The following GPNMB variants were observed in gnomAD, a reference collection of about 807,000 sequenced individuals.
The protein encoded by GPNMB is transmembrane glycoprotein NMB.
A neutral mutation model predicts 57.3 loss-of-function variants in GPNMB; 71 were observed. The observed-to-expected ratio is 1.24, with a 90% CI of 1.02 to 1.51. The LOEUF is 1.51. Ranked by LOEUF, GPNMB falls within the 40% of genes most tolerant of loss-of-function variation. The pLI, the probability that GPNMB is intolerant of heterozygous loss-of-function variation, is 0.00. For synonymous variants in GPNMB, 253 were observed against 263.2 expected (o/e 0.96, Z 0.38); for missense variants, 677 against 691.9 (o/e 0.98, Z 0.24).
chr7:23,267,739 C>T, intron 7 of GPNMB, 147 bp from the exon 8 acceptor site: 1 of 653,718 alleles, frequency 1.5e-6, no homozygotes, highest in Non-Finnish European at 2.7e-6. Context: ...CTCCCAAAGA[C>T]CCCCCTCCTA....
chr7:23,260,282 T>C (rs957547002), intron 5 of GPNMB, 144 bp downstream of exon 5: 1 of 1,034,268 alleles, frequency 9.7e-7, no homozygotes, highest in African/African-American at 1.6e-5. Context: ...TAGTTGTAGT[T>C]CATCTGTTTT....
Position 23,246,930 on chromosome 7 carries a change from G to A in GPNMB, c.70+3G>A, listed in dbSNP as rs374730555. ...ATTGCCACTTGATGCCGCCAAACGT[G>A]AGTAACCCTTAATTTCTATGTTTAA... On this transcript the variant is annotated splice_donor_region_variant and intron_variant, in intron 1 of 10. Transcript: ENST00000258733. The A allele has an allele frequency of 6.2e-7, 1 of 1,607,146 alleles. No individual in the cohort carries two copies. Among genetic ancestry groups the A allele is most frequent in the South Asian group, 1.1e-5 (1 of 90,938 alleles).
intron 8 of GPNMB, 78 bp from the exon 9 acceptor site, chr7:23,269,889 C>G (rs1783156341): frequency 1.1e-6 from 1 of 893,514 alleles, no homozygotes; most frequent in Admixed American, 2.0e-5. Flanking sequence ...AATGACTTTC[C>G]CTTTGTAAAA....
rs369357314 is a variant in GPNMB, at chr7:23,266,607, C to T, written c.1109C>T (p.Thr370Ile). 1 of 1,613,614 alleles carries T rather than the reference C, an allele frequency of 6.2e-7. No individual in the cohort carries two copies. The highest frequency in any genetic ancestry group is 1.3e-5 in the African/African-American group (1 of 74,898). ...TATGGCCACTTTCAAGCCACCATCA[C>T]AATTGTAGGTAAGGCTGAAGATGAT... ...NRYGHFQATI[T>I]IVEGILEVNI... is the part of the protein sequence containing the mutation. Residue 370 changes from threonine to isoleucine, a missense_variant, in exon 7 of 11, where the codon ACA (threonine) becomes ATA (isoleucine). Coordinates refer to ENST00000258733, the MANE Select transcript of GPNMB (RefSeq NM_002510.3).
intron 8 of GPNMB, 120 bp from the exon 9 acceptor site, chr7:23,269,847 C>G: frequency 1.4e-6 from 1 of 724,598 alleles, no homozygotes. Flanking sequence ...GTTTGAGTAA[C>G]AATGAGGTGG....
intron 3 of GPNMB, 145 bp downstream of exon 3, chr7:23,254,457 G>A: frequency 1.6e-6 from 1 of 629,196 alleles, no homozygotes; most frequent in East Asian, 3.0e-5. Context: ...TGAGTGTGTG[G>A]TCCTACCCAG....
At chr7:23,266,878 C>T (rs577932158) in intron 7 of GPNMB, among the ~76,000 whole-genome samples, 23 of 152,312 alleles carry the variant, frequency 1.5e-4, no homozygotes, top group African/African-American at 4.8e-4. Context: ...GCCTGTATCC[C>T]GCCTCTGCAG....
intron 2 of GPNMB, 73 bp downstream of exon 2, chr7:23,253,532 T>C (rs891601610): frequency 1.6e-5 from 20 of 1,274,230 alleles, no homozygotes; most frequent in Non-Finnish European, 2.1e-5. Context: ...TAAAGCCTTT[T>C]AGATCACACG....
intron 5 of GPNMB, 69 bp from the exon 6 acceptor site, chr7:23,260,387 C>T (rs937352495): frequency 7.1e-6 from 9 of 1,262,092 alleles, no homozygotes; most frequent in Non-Finnish European, 5.6e-6. Context: ...CTAAAAGCAT[C>T]GTCGAAGCCC....
In GPNMB at chr7:23,264,096, G is replaced by GAAAA. The variant is rs35143635; in HGVS notation, c.1019-2408_1019-2405dup. On this transcript the variant is annotated intron_variant, in intron 6 of 10. Coordinates refer to ENST00000258733, the MANE Select transcript of GPNMB (RefSeq NM_002510.3). ...GTTTTTCAGACTTGTGAACAAATCT[G>GAAAA]AAAAAAAAAAAAAAAACCTTTTGTA... 4.4e-3 allele frequency among the ~76,000 whole-genome samples: 480 copies of GAAAA among 109,650 alleles called. 5 individuals are homozygous for GAAAA. Among genetic ancestry groups the GAAAA allele is most frequent in the African/African-American group, 0.014 (458 of 32,264 alleles). 71.9% of individuals were successfully genotyped at this position (109,650 alleles called of 152,430 possible).
chr7:23,256,448 T>C (rs983639655), intron 3 of GPNMB, among the ~76,000 whole-genome samples: 4 of 152,112 alleles, frequency 2.6e-5, no homozygotes. Flanking sequence ...GATAATGGTG[T>C]CAGGGCTATT....
chr7:23,270,808 A>T (rs1783184881), intron 9 of GPNMB, among the ~76,000 whole-genome samples: 1 of 152,200 alleles, frequency 6.6e-6, no homozygotes, highest in South Asian at 2.1e-4. Context: ...AAGGAATTTC[A>T]TTTAGAAATT....
At chr7:23,258,068 A>T (rs1782824085) in intron 4 of GPNMB, 1 of 152,150 alleles carries the variant, frequency 6.6e-6, no homozygotes, top group Non-Finnish European at 1.5e-5. Flanking sequence ...GTCTTTTTTT[A>T]AATTACAAAT....
chr7:23,251,672 A>T (rs1782665332), intron 1 of GPNMB, among the ~76,000 whole-genome samples: 2 of 152,272 alleles, frequency 1.3e-5, no homozygotes, highest in Non-Finnish European at 1.5e-5. Context: ...TTACACTACC[A>T]TCTCCAAAAT....
At position 23,266,722 on chromosome 7, in the gene GPNMB, C is replaced by A. The variant is rs866445878; in HGVS notation, c.1117+107C>A. The A allele has an allele frequency of 3.3e-6, 3 of 908,404 alleles. No homozygotes were observed. The South Asian group carries it at 5.2e-5, about 16-fold the overall frequency. 56.3% of individuals were successfully genotyped at this position (908,404 alleles called of 1,614,324 possible). A position where few individuals can be genotyped will look rare whatever the true frequency, so the allele number is the denominator to read the frequency against. Reference sequence around the variant, plus strand: ...GGTAGAGGTAGGTGGTAAGGGCACCCCTCTGCTTGTCTAAGATGACACCAC... The same window carrying A: ...GGTAGAGGTAGGTGGTAAGGGCACCACTCTGCTTGTCTAAGATGACACCAC... On this transcript the variant is annotated intron_variant, in intron 7 of 10. Transcript: ENST00000258733.
chr7:23,263,567 G>T (rs1460945242), intron 6 of GPNMB, among the ~76,000 whole-genome samples: 1 of 149,338 alleles, frequency 6.7e-6, no homozygotes, highest in South Asian at 2.1e-4. Flanking sequence ...AGCCGAGATC[G>T]CGCCATTGCA....
In GPNMB at chr7:23,260,146, G is replaced by A. The variant is rs1480217433; in HGVS notation, c.700+8G>A. 3 of 1,613,436 alleles carry A rather than the reference G, an allele frequency of 1.9e-6. No individual in the cohort carries two copies. The highest frequency in any genetic ancestry group is 2.5e-6 in the Non-Finnish European group (3 of 1,179,442). On this transcript the variant is annotated splice_region_variant and intron_variant, in intron 5 of 10. Transcript: ENST00000258733. ...ATGTGTACGTGGTAACAGGTGAGTGGTGTGAACTCTAACTGAGGATGAGGC... is the reference window on the plus strand; with the variant it reads ...ATGTGTACGTGGTAACAGGTGAGTGATGTGAACTCTAACTGAGGATGAGGC...
chr7:23,264,986 C>T (rs77026384), intron 6 of GPNMB, among the ~76,000 whole-genome samples: 1 of 152,274 alleles, frequency 6.6e-6, no homozygotes, highest in African/African-American at 2.4e-5. Context: ...ACAGACAGAA[C>T]GACTGTCTTG....
intron 6 of GPNMB, among the ~76,000 whole-genome samples, chr7:23,264,782 A>G (rs189908019): frequency 1.3e-5 from 2 of 152,356 alleles, no homozygotes; most frequent in African/African-American, 4.8e-5. Context: ...GCACTAAAGT[A>G]TATGCAGAAC....
Sources: gnomAD v4.1 joint callset for allele counts (sites outside exome capture counted in the v4.1 genomes callset) on GRCh38, gnomAD v4.1.1 for gene constraint, MANE v1.5 for transcripts, NCBI Gene and HGNC (gene_info 2026-07-23, HGNC 2026-07-21) for gene names.